Variants in MACROD1 observed in about 807,000 individuals in gnomAD.
The protein encoded by MACROD1 is ADP-ribose glycohydrolase MACROD1.
A neutral mutation model predicts 41.4 loss-of-function variants in MACROD1; 31 were observed. The observed-to-expected ratio is 0.75, with a 90% confidence interval of 0.56 to 1.01. The LOEUF is 1.01. MACROD1 is among the 50% of genes least tolerant of loss of function. The pLI is 0.00. For missense variants in MACROD1, 473 were observed against 460.0 expected (o/e 1.03, Z -0.26); for synonymous variants, 252 against 203.4 (o/e 1.24, Z -2.03).
rs753924816 is a variant in MACROD1, at chr11:64,165,709, T to G, written c.286A>C (p.Lys96Gln). 1 of 1,463,894 alleles carries G rather than the reference T, an allele frequency of 6.8e-7. No individual in the cohort carries two copies. Among genetic ancestry groups the G allele is most frequent in the African/African-American group, 1.5e-5 (1 of 68,252 alleles). The allele number at this position is 1,463,894 out of a possible 1,614,324, so 90.7% of individuals were successfully genotyped here. ...KVDLSTSTDW[K>Q]EAKSFLKGLS... is the part of the protein sequence containing the mutation. ...TGCTTACACTTACATTTCGCCTCCT[T>G]CCAGTCGGTGGAGGTGCTCAGGTCC... The change falls in exon 1 of 11, where the codon AAG becomes CAG. Residue 96 changes from lysine (K) to glutamine (Q), a missense_variant. Coordinates refer to ENST00000255681, the MANE Select transcript of MACROD1 (RefSeq NM_014067.4).
chr11:64,018,785 G>A (rs1256092732), intron 3 of MACROD1, among the ~76,000 whole-genome samples: 1 of 152,212 alleles, frequency 6.6e-6, no homozygotes, highest in Non-Finnish European at 1.5e-5. Flanking sequence ...CCCGGGGACT[G>A]GGGGAGATGC....
At chr11:64,137,201 C>T (rs1377360942) in intron 3 of MACROD1, among the ~76,000 whole-genome samples, 1 of 152,178 alleles carries the variant, frequency 6.6e-6, no homozygotes, top group Non-Finnish European at 1.5e-5. Flanking sequence ...TGGGCCTGAG[C>T]AAGACAAGAG....
intron 4 of MACROD1, among the ~76,000 whole-genome samples, chr11:64,013,492 G>A (rs1193483533): frequency 6.6e-6 from 1 of 152,258 alleles, no homozygotes; most frequent in South Asian, 2.1e-4. Context: ...GGCCAGGGTG[G>A]CCGGAGCAAA....
At chr11:64,157,093 T>G (rs747683228) in intron 1 of MACROD1, among the ~76,000 whole-genome samples, 15 of 149,094 alleles carry the variant, frequency 1.0e-4, no homozygotes, top group Non-Finnish European at 1.5e-4. Context: ...CATTTCTGTG[T>G]TTTTTTTTTA....
chr11:64,003,306 C>G (rs955462929), intron 4 of MACROD1, among the ~76,000 whole-genome samples: 2 of 152,218 alleles, frequency 1.3e-5, no homozygotes, highest in East Asian at 3.8e-4. Context: ...CAACCTCTGC[C>G]TCCTGGGTTC....
chr11:64,014,467 C>G (rs1292726978), intron 4 of MACROD1, among the ~76,000 whole-genome samples: 1 of 152,236 alleles, frequency 6.6e-6, no homozygotes, highest in Admixed American at 6.5e-5. Flanking sequence ...CTGGCCTGGG[C>G]CCTGCCACCG....
intron 3 of MACROD1, among the ~76,000 whole-genome samples, chr11:64,021,918 G>A (rs117058375): frequency 0.055 from 6,521 of 118,542 alleles, 292 homozygotes; most frequent in South Asian, 0.2. Flanking sequence ...GAAATGCAAG[G>A]GAGTGGCAGG....
chr11:63,999,259 C>G, intron 8 of MACROD1, 72 bp downstream of exon 8: 1 of 1,513,916 alleles, frequency 6.6e-7, no homozygotes, highest in South Asian at 1.2e-5. Context: ...ACCCTGACTC[C>G]CTGGGCGATG....
chr11:64,162,537 G>A (rs1590985189), intron 1 of MACROD1, among the ~76,000 whole-genome samples: 1 of 151,898 alleles, frequency 6.6e-6, no homozygotes, highest in South Asian at 2.1e-4. Context: ...AATTTTGGCC[G>A]GCCACAGTGG....
rs750148970 is a variant in MACROD1 at position 64,118,045 on chromosome 11, G to A, written c.517+33194C>T. ...ACCCGGGAGAGGGCCTACAACCGGGGCAGCAGGAAAAAGGATGACTATATG... is the reference window on the plus strand; with the variant it reads ...ACCCGGGAGAGGGCCTACAACCGGGACAGCAGGAAAAAGGATGACTATATG... On this transcript the variant is annotated intron_variant, in intron 3 of 10. Coordinates refer to ENST00000255681, the MANE Select transcript of MACROD1 (RefSeq NM_014067.4). The A allele has an allele frequency of 9.9e-6, 16 of 1,613,560 alleles. No individual in the cohort carries two copies. The highest frequency in any genetic ancestry group is 1.6e-4 in the Middle Eastern group (1 of 6,062).
chr11:64,031,647 T>G (rs1344478159), intron 3 of MACROD1, among the ~76,000 whole-genome samples: 2 of 152,070 alleles, frequency 1.3e-5, no homozygotes, highest in Non-Finnish European at 2.9e-5. Context: ...CCAGCTAATT[T>G]TTGTATTTTT....
intron 1 of MACROD1, among the ~76,000 whole-genome samples, chr11:64,153,734 C>A (rs1216844831): frequency 6.6e-6 from 1 of 152,200 alleles, no homozygotes; most frequent in East Asian, 1.9e-4. Flanking sequence ...CCCACTGCTG[C>A]TCAAGCCAGA....
At chr11:64,043,335 C>T (rs1943523924) in intron 3 of MACROD1, among the ~76,000 whole-genome samples, 1 of 152,220 alleles carries the variant, frequency 6.6e-6, no homozygotes, top group Non-Finnish European at 1.5e-5. Context: ...TTTCCGCCCT[C>T]AGGACCCCAC....
At chr11:64,017,777 C>CT (rs1297885446) in intron 3 of MACROD1, among the ~76,000 whole-genome samples, 2 of 152,134 alleles carry the variant, frequency 1.3e-5, no homozygotes, top group African/African-American at 4.8e-5. Context: ...CCTCGGGACC[C>CT]CCCCACCTCC....
intron 3 of MACROD1, among the ~76,000 whole-genome samples, chr11:64,049,515 A>G (rs1285645584): frequency 2.0e-5 from 3 of 152,144 alleles, no homozygotes; most frequent in Non-Finnish European, 4.4e-5. Flanking sequence ...TCCCCAGGCC[A>G]CACCTCCAAG....
chr11:64,052,863 G>A (rs1464280323), intron 3 of MACROD1, among the ~76,000 whole-genome samples: 1 of 152,154 alleles, frequency 6.6e-6, no homozygotes, highest in African/African-American at 2.4e-5. Flanking sequence ...CTTTAATTAT[G>A]CCCCTGCCAG....
intron 3 of MACROD1, among the ~76,000 whole-genome samples, chr11:64,051,462 T>A (rs1943693523): frequency 6.6e-6 from 1 of 151,910 alleles, no homozygotes. Flanking sequence ...ACTGATTGAG[T>A]CTCATTGTTG....
intron 3 of MACROD1, 138 bp from the exon 4 acceptor site, chr11:64,015,419 C>T: frequency 4.4e-6 from 3 of 688,942 alleles, no homozygotes; most frequent in Non-Finnish European, 7.3e-6. Context: ...TCTTCCCAGT[C>T]CTCCGGGGCG....
chr11:64,101,897 C>T (rs1199605562), intron 3 of MACROD1, among the ~76,000 whole-genome samples: 1 of 152,182 alleles, frequency 6.6e-6, no homozygotes, highest in Non-Finnish European at 1.5e-5. Flanking sequence ...CCACCCTGTC[C>T]ACCCCATCAG....
Sources: gnomAD v4.1 joint callset for allele counts (sites outside exome capture counted in the v4.1 genomes callset) on GRCh38, gnomAD v4.1.1 for gene constraint, MANE v1.5 for transcripts, NCBI Gene and HGNC (gene_info 2026-07-23, HGNC 2026-07-21) for gene names.